CCDC91: variants seen among roughly 807,000 people sequenced by gnomAD.
The protein encoded by CCDC91 is coiled-coil domain-containing protein 91.
In CCDC91, 48 loss-of-function variants were observed where a neutral mutation model predicts 63.2. The ratio of observed to expected loss-of-function variants is 0.76; its 90% CI spans 0.60 to 0.97. CCDC91 has a LOEUF of 0.97. Ranked by LOEUF, CCDC91 falls within the 50% of genes least tolerant of loss-of-function variation. The pLI, the probability that CCDC91 is intolerant of heterozygous loss-of-function variation, is 0.00. For synonymous variants in CCDC91, 167 were observed against 165.8 expected, an observed-to-expected ratio of 1.01 and a Z score of -0.06; for missense variants, 500 against 494.6, an observed-to-expected ratio of 1.01 and a Z score of -0.10.
chr12:28,197,685 A>G (rs1286202757), intron 1 of CCDC91, among the ~76,000 whole-genome samples: 1 of 152,060 alleles, frequency 6.6e-6, no homozygotes, highest in East Asian at 1.9e-4. Context: ...TTTTGTATAT[A>G]TTATGTTTAT....
At chr12:28,292,831 A>C (rs568688917) in intron 3 of CCDC91, among the ~76,000 whole-genome samples, 6 of 152,306 alleles carry the variant, frequency 3.9e-5, no homozygotes, top group Non-Finnish European at 1.5e-5. Context: ...GTAGATGTAC[A>C]CTTGGGCAAA....
At chr12:28,407,789 A>G (rs1947045203) in intron 8 of CCDC91, among the ~76,000 whole-genome samples, 1 of 151,946 alleles carries the variant, frequency 6.6e-6, no homozygotes, top group Non-Finnish European at 1.5e-5. Context: ...AGTTTTCAAT[A>G]TTCAGGTTTA....
At chr12:28,407,561 A>T (rs1345553198) in intron 8 of CCDC91, among the ~76,000 whole-genome samples, 1 of 152,160 alleles carries the variant, frequency 6.6e-6, no homozygotes. Flanking sequence ...TATTTTACAA[A>T]GTTGTTTTGG....
At chr12:28,310,719 G>A (rs1441483149) in intron 6 of CCDC91, among the ~76,000 whole-genome samples, 2 of 151,964 alleles carry the variant, frequency 1.3e-5, no homozygotes, top group South Asian at 2.1e-4. Flanking sequence ...TTCATTTGAT[G>A]TGCCAATTCT....
intron 8 of CCDC91, among the ~76,000 whole-genome samples, chr12:28,428,125 T>G (rs1035057330): frequency 7.2e-5 from 11 of 152,162 alleles, no homozygotes; most frequent in East Asian, 5.8e-4. Context: ...TATTCTCTTT[T>G]TCACTACACA....
intron 12 of CCDC91, among the ~76,000 whole-genome samples, chr12:28,497,992 G>A (rs1035964147): frequency 6.6e-6 from 1 of 151,512 alleles, no homozygotes; most frequent in African/African-American, 2.4e-5. Flanking sequence ...TATCTTGTCT[G>A]GGGTGGAGCT....
intron 8 of CCDC91, among the ~76,000 whole-genome samples, chr12:28,399,812 T>A (rs1216576498): frequency 1.3e-5 from 2 of 152,210 alleles, no homozygotes; most frequent in Admixed American, 6.5e-5. Context: ...CACATCCAGC[T>A]CACACTGATG....
intron 3 of CCDC91, among the ~76,000 whole-genome samples, chr12:28,296,378 C>T (rs1176895541): frequency 6.6e-6 from 1 of 151,650 alleles, no homozygotes; most frequent in Admixed American, 6.6e-5. Flanking sequence ...ACTGTTATTC[C>T]TCAAAGAAGC....
intron 12 of CCDC91, among the ~76,000 whole-genome samples, chr12:28,500,678 G>A (rs1937708420): frequency 1.3e-5 from 2 of 151,650 alleles, no homozygotes; most frequent in Non-Finnish European, 3.0e-5. Context: ...TATTAACTTT[G>A]GTCAGTTTAG....
chr12:28,469,868 G>GA (rs1566022535), intron 11 of CCDC91, among the ~76,000 whole-genome samples: 2 of 151,934 alleles, frequency 1.3e-5, no homozygotes, highest in African/African-American at 4.8e-5. Context: ...ATTGTGCTGG[G>GA]AAAACTGGAT....
chr12:28,473,324 A>G (rs762741846), intron 11 of CCDC91, among the ~76,000 whole-genome samples: 6 of 152,206 alleles, frequency 3.9e-5, no homozygotes, highest in Non-Finnish European at 8.8e-5. Context: ...AATAGAACTG[A>G]CAATGGCCTA....
At chr12:28,420,036 T>A (rs925470762) in intron 8 of CCDC91, among the ~76,000 whole-genome samples, 18 of 151,998 alleles carry the variant, frequency 1.2e-4, no homozygotes, top group African/African-American at 3.9e-4. Flanking sequence ...GGATTAAAGG[T>A]GTGAGTCACC....
chr12:28,369,742 G>T (rs1163370296), intron 7 of CCDC91, among the ~76,000 whole-genome samples: 9 of 152,124 alleles, frequency 5.9e-5, no homozygotes, highest in African/African-American at 2.4e-5. Flanking sequence ...TGAAATCTAG[G>T]CAAAGGCTCC....
chr12:28,388,323 G>T (rs1945731199), intron 7 of CCDC91, among the ~76,000 whole-genome samples: 2 of 152,094 alleles, frequency 1.3e-5, no homozygotes, highest in Admixed American at 1.3e-4. Context: ...TCAAACTGTT[G>T]CTGTTTGCTG....
intron 8 of CCDC91, among the ~76,000 whole-genome samples, chr12:28,414,384 G>T (rs1359676465): frequency 6.6e-6 from 1 of 151,994 alleles, no homozygotes; most frequent in African/African-American, 2.4e-5. Context: ...GGTGAAAGTT[G>T]CTTTTAGCTT....
intron 1 of CCDC91, among the ~76,000 whole-genome samples, chr12:28,201,450 C>T (rs1414451189): frequency 2.2e-5 from 3 of 136,474 alleles, no homozygotes; most frequent in East Asian, 2.0e-4. Context: ...CAGAGACGCT[C>T]CTCACTTCCT....
chr12:28,537,598 G>C (rs889803484), intron 12 of CCDC91, among the ~76,000 whole-genome samples: 3 of 152,168 alleles, frequency 2.0e-5, no homozygotes, highest in Non-Finnish European at 4.4e-5. Flanking sequence ...GCATAAGCAA[G>C]GTCAGAAGTA....
intron 12 of CCDC91, among the ~76,000 whole-genome samples, chr12:28,485,745 T>C (rs1296356135): frequency 3.3e-5 from 5 of 152,176 alleles, no homozygotes; most frequent in Non-Finnish European, 5.9e-5. Context: ...AAAGAGTCAA[T>C]TGGCTTTTCA....
intron 1 of CCDC91, among the ~76,000 whole-genome samples, chr12:28,201,995 C>T (rs759769283): frequency 4.3e-4 from 65 of 151,964 alleles, no homozygotes; most frequent in Non-Finnish European, 8.1e-4. Context: ...CCAGCTTCGG[C>T]TCGGCATCGG....
Sources: gnomAD v4.1 joint callset for allele counts (sites outside exome capture counted in the v4.1 genomes callset) on GRCh38, gnomAD v4.1.1 for gene constraint, MANE v1.5 for transcripts, NCBI Gene and HGNC (gene_info 2026-07-23, HGNC 2026-07-21) for gene names.